The following OLA1 variants were observed in gnomAD, a reference collection of about 807,000 sequenced individuals.
OLA1 encodes the protein Obg like ATPase 1, also known as obg-like ATPase 1.
Under a neutral mutation model 48.4 loss-of-function variants are expected in OLA1, and 14 were observed. That is an observed-to-expected ratio of 0.29 (90% confidence interval 0.19 to 0.45). The LOEUF (loss-of-function observed/expected upper bound fraction) is 0.45, where lower values mean the gene tolerates loss of function less well. Among genes scored for constraint, OLA1 ranks in the 20% least tolerant of loss-of-function variants. OLA1 has a pLI of 1.00. For missense variants in OLA1, 325 were observed against 467.1 expected, an observed-to-expected ratio of 0.70 and a Z score of 2.80; for synonymous variants, 127 against 150.4, an observed-to-expected ratio of 0.84 and a Z score of 1.14.
intron 4 of OLA1, among the ~76,000 whole-genome samples, chr2:174,156,379 A>T (rs757426859): frequency 7.9e-5 from 12 of 152,148 alleles, no homozygotes; most frequent in Non-Finnish European, 1.6e-4. Context: ...ATTAGTACAT[A>T]CTGAAAGACA....
chr2:174,084,937 G>C (rs1210789165), intron 7 of OLA1, among the ~76,000 whole-genome samples: 2 of 152,196 alleles, frequency 1.3e-5, no homozygotes, highest in African/African-American at 4.8e-5. Context: ...GGTGGGAGGA[G>C]AAGGAACAGT....
At chr2:174,108,188 T>C (rs1473500141) in intron 7 of OLA1, among the ~76,000 whole-genome samples, 1 of 152,136 alleles carries the variant, frequency 6.6e-6, no homozygotes, top group Non-Finnish European at 1.5e-5. Flanking sequence ...TTTTTGGAAA[T>C]AGTTTTAAAA....
intron 4 of OLA1, among the ~76,000 whole-genome samples, chr2:174,210,323 A>G (rs1688212998): frequency 6.6e-6 from 1 of 152,186 alleles, no homozygotes; most frequent in African/African-American, 2.4e-5. Context: ...GGAGACTGGG[A>G]ACAGGGGCAA....
chr2:174,211,565 A>C (rs1688244477), intron 4 of OLA1, among the ~76,000 whole-genome samples: 1 of 152,220 alleles, frequency 6.6e-6, no homozygotes, highest in African/African-American at 2.4e-5. Flanking sequence ...AAAATGAAAA[A>C]TTCCTCATAT....
Position 174,175,818 on chromosome 2 carries a change from T to C in OLA1, c.374-33818A>G, listed in dbSNP as rs148139625. ...AACAATTCAAATGTCCACCAGTTAATGAATGGATAAGCAAAGTGATAATAT... is the reference window on the plus strand; with the variant it reads ...AACAATTCAAATGTCCACCAGTTAACGAATGGATAAGCAAAGTGATAATAT... On this transcript the variant is annotated intron_variant, in intron 4 of 10. Coordinates refer to ENST00000284719, the MANE Select transcript of OLA1 (RefSeq NM_013341.5). Among the ~76,000 whole-genome samples the C allele has an allele frequency of 5.8e-3, 884 of 152,170 alleles. 6 individuals carry two copies. Among genetic ancestry groups the C allele is most frequent in the Middle Eastern group, 0.017 (5 of 294 alleles).
At chr2:174,083,521 T>G (rs2105340729) in intron 7 of OLA1, among the ~76,000 whole-genome samples, 1 of 152,256 alleles carries the variant, frequency 6.6e-6, no homozygotes, top group East Asian at 1.9e-4. Context: ...AGTCCTATGA[T>G]TTATGTTGCC....
intron 2 of OLA1, among the ~76,000 whole-genome samples, chr2:174,242,143 C>T (rs1338219372): frequency 6.6e-6 from 1 of 152,200 alleles, no homozygotes; most frequent in Non-Finnish European, 1.5e-5. Flanking sequence ...TTCACAACAC[C>T]TTAGACCAGC....
intron 7 of OLA1, among the ~76,000 whole-genome samples, chr2:174,118,010 G>A (rs1685824267): frequency 6.6e-6 from 1 of 152,114 alleles, no homozygotes; most frequent in South Asian, 2.1e-4. Flanking sequence ...GGCACGGCTG[G>A]GGAGGCCTCA....
chr2:174,222,978 G>A, intron 4 of OLA1, 55 bp downstream of exon 4: 1 of 1,523,464 alleles, frequency 6.6e-7, no homozygotes, highest in Non-Finnish European at 8.9e-7. Context: ...TGCACTAATG[G>A]AAAGAAAACA....
chr2:174,096,587 T>C (rs1307620674), intron 7 of OLA1, among the ~76,000 whole-genome samples: 1 of 152,102 alleles, frequency 6.6e-6, no homozygotes, highest in East Asian at 1.9e-4. Flanking sequence ...GTAAGGTGAG[T>C]ATCAATTCAA....
chr2:174,206,448 C>T (rs1688116607), intron 4 of OLA1, among the ~76,000 whole-genome samples: 2 of 152,166 alleles, frequency 1.3e-5, no homozygotes, highest in Non-Finnish European at 2.9e-5. Context: ...GTTGCCCTCA[C>T]ATCCCTGAGG....
At chr2:174,207,220 A>T (rs1688136081) in intron 4 of OLA1, among the ~76,000 whole-genome samples, 1 of 152,174 alleles carries the variant, frequency 6.6e-6, no homozygotes, top group Non-Finnish European at 1.5e-5. Context: ...ATTCCATATA[A>T]ACTAAAAAGG....
intron 4 of OLA1, among the ~76,000 whole-genome samples, chr2:174,142,390 A>T (rs1371433331): frequency 6.6e-6 from 1 of 152,176 alleles, no homozygotes; most frequent in African/African-American, 2.4e-5. Context: ...GGGGGGTCTG[A>T]AATCATCTGG....
chr2:174,155,534 C>A (rs1686855815), intron 4 of OLA1, among the ~76,000 whole-genome samples: 1 of 152,166 alleles, frequency 6.6e-6, no homozygotes. Context: ...ATAGAAGACA[C>A]AAGAAATTTC....
intron 4 of OLA1, among the ~76,000 whole-genome samples, chr2:174,167,421 CA>C (rs1294411601): frequency 6.6e-6 from 1 of 152,082 alleles, no homozygotes; most frequent in African/African-American, 2.4e-5. Flanking sequence ...ACTAAAAATG[CA>C]AAAATTAGCT....
intron 7 of OLA1, among the ~76,000 whole-genome samples, chr2:174,102,243 T>C (rs1288630437): frequency 6.6e-6 from 1 of 152,028 alleles, no homozygotes. Flanking sequence ...CAGTCTGTTT[T>C]AATAAAGCCT....
chr2:174,233,073 C>A (rs770626069), intron 2 of OLA1, among the ~76,000 whole-genome samples: 5 of 152,184 alleles, frequency 3.3e-5, no homozygotes, highest in Non-Finnish European at 5.9e-5. Flanking sequence ...ACTTTAAGGA[C>A]ACTATGCTGA....
chr2:174,247,214 T>A (rs1356451748), intron 1 of OLA1: 1 of 163,472 alleles, frequency 6.1e-6, no homozygotes, highest in Non-Finnish European at 1.3e-5. Context: ...GAAAAACAAA[T>A]ACAAAAAAAT....
intron 3 of OLA1, among the ~76,000 whole-genome samples, chr2:174,225,067 G>A (rs987229638): frequency 1.3e-5 from 2 of 152,178 alleles, no homozygotes; most frequent in Middle Eastern, 3.2e-3. Flanking sequence ...GGTGGGAGGC[G>A]TTTGGGTCAC....
Sources: gnomAD v4.1 joint callset for allele counts (sites outside exome capture counted in the v4.1 genomes callset) on GRCh38, gnomAD v4.1.1 for gene constraint, MANE v1.5 for transcripts, NCBI Gene and HGNC (gene_info 2026-07-23, HGNC 2026-07-21) for gene names.